The following ATP8B4 variants were observed in gnomAD, a reference collection of about 807,000 sequenced individuals.
ATP8B4 encodes ATPase phospholipid transporting 8B4 (putative), also known as probable phospholipid-transporting ATPase IM.
Under a neutral mutation model 145.6 loss-of-function variants are expected in ATP8B4, and 133 were observed. The ratio of observed to expected loss-of-function variants is 0.91; its 90% confidence interval spans 0.79 to 1.05. ATP8B4 has a LOEUF of 1.05. Among genes scored for constraint, ATP8B4 ranks in the 50% least tolerant of loss-of-function variants. ATP8B4 has a pLI of 0.00. For synonymous variants in ATP8B4, 507 were observed against 492.9 expected (o/e 1.03, Z -0.38); for missense variants, 1,458 against 1,425.2 (o/e 1.02, Z -0.37).
chr15:50,072,970 CTCTCTCTCTCTATATATATATATATATA>C (rs2053892612), intron 3 of ATP8B4, among the ~76,000 whole-genome samples: 8 of 31,780 alleles, frequency 2.5e-4, no homozygotes, highest in African/African-American at 4.0e-4. Context: ...CTCTCTCTCT[CTCTCTCTCTCTATATATATATATATATA>C]TATATATATA....
At chr15:50,014,861 G>A (rs1424131093) in intron 6 of ATP8B4, among the ~76,000 whole-genome samples, 1 of 152,072 alleles carries the variant, frequency 6.6e-6, no homozygotes, top group Non-Finnish European at 1.5e-5. Context: ...GCCTTATTTT[G>A]CAGTATCTAT....
chr15:50,169,383 C>A (rs1455860091), intron 1 of ATP8B4, among the ~76,000 whole-genome samples: 4 of 152,196 alleles, frequency 2.6e-5, no homozygotes, highest in African/African-American at 9.7e-5. Flanking sequence ...CCAGTACCAG[C>A]CCGGAGTCAG....
intron 24 of ATP8B4, among the ~76,000 whole-genome samples, chr15:49,879,065 A>G (rs2034965926): frequency 6.6e-6 from 1 of 152,246 alleles, no homozygotes; most frequent in Non-Finnish European, 1.5e-5. Context: ...AAGTTTGGGA[A>G]ATGCTGGGTT....
chr15:49,959,014 C>CA (rs1293417088), intron 14 of ATP8B4, among the ~76,000 whole-genome samples: 1 of 151,544 alleles, frequency 6.6e-6, no homozygotes, highest in Non-Finnish European at 1.5e-5. Context: ...AATATTATCC[C>CA]AAAAAAGAAC....
chr15:50,038,115 G>C (rs921234603), intron 6 of ATP8B4, among the ~76,000 whole-genome samples: 1 of 151,630 alleles, frequency 6.6e-6, no homozygotes, highest in Non-Finnish European at 1.5e-5. Context: ...AATAAGGGGG[G>C]GACAGCAAAA....
intron 1 of ATP8B4, among the ~76,000 whole-genome samples, chr15:50,154,027 A>C (rs1410215260): frequency 6.6e-6 from 1 of 152,232 alleles, no homozygotes; most frequent in East Asian, 1.9e-4. Context: ...AATCTTTAGA[A>C]AGACATAAAT....
chr15:49,919,179 T>C (rs1407693315), intron 18 of ATP8B4, among the ~76,000 whole-genome samples: 1 of 152,144 alleles, frequency 6.6e-6, no homozygotes. Context: ...GACTTATTAT[T>C]TACTTGAAGG....
intron 1 of ATP8B4, among the ~76,000 whole-genome samples, chr15:50,147,505 T>C (rs187113484): frequency 4.7e-5 from 7 of 149,784 alleles, no homozygotes; most frequent in Admixed American, 2.0e-4. Flanking sequence ...GCAGAAGGAG[T>C]ATACCTGCAC....
intron 3 of ATP8B4, among the ~76,000 whole-genome samples, chr15:50,065,120 A>G (rs770138040): frequency 6.6e-6 from 1 of 152,182 alleles, no homozygotes; most frequent in African/African-American, 2.4e-5. Context: ...TAAAAAAATG[A>G]TAAGTTATGT....
rs1168928225 is a variant in ATP8B4 at position 50,002,176 on chromosome 15, A to G, written c.483T>C (p.Tyr161=). The G allele has an allele frequency of 3.1e-6, 5 of 1,611,094 alleles. No individual in the cohort carries two copies. Among genetic ancestry groups the G allele is most frequent in the South Asian group, 2.2e-5 (2 of 90,770 alleles). ...ACCCATCAAGCTCAGCAGTTTCAAC[A>G]TAACAGAGACCATGTGGCTCACTAC... ...LSSSEPHGLC[Y]VETAELDGET... The change falls in exon 8 of 28, where the codon TAT becomes TAC. Residue 161 remains tyrosine (Y), a synonymous_variant. Transcript: ENST00000284509.
intron 2 of ATP8B4, among the ~76,000 whole-genome samples, chr15:50,078,091 G>A (rs1448590218): frequency 6.6e-6 from 1 of 151,992 alleles, no homozygotes; most frequent in African/African-American, 2.4e-5. Flanking sequence ...GCTGAATACA[G>A]GTAGAAAAAG....
At chr15:49,955,831 A>C (rs1005797249) in intron 14 of ATP8B4, among the ~76,000 whole-genome samples, 1 of 152,340 alleles carries the variant, frequency 6.6e-6, no homozygotes, top group Admixed American at 6.5e-5. Context: ...ACTCATTGAA[A>C]CATGAAATAA....
chr15:49,999,348 C>A lies in ATP8B4; in HGVS notation c.507-2589G>T, dbSNP rs1046296145. ...GAACTGAACAATGAGAACACATGGACACAGGAAGGGGAACATCACACTCTG... is the reference window on the plus strand; with the variant it reads ...GAACTGAACAATGAGAACACATGGAAACAGGAAGGGGAACATCACACTCTG... On this transcript the variant is annotated intron_variant, in intron 8 of 27. Coordinates refer to ENST00000284509, the MANE Select transcript of ATP8B4 (RefSeq NM_024837.4). 1.5e-3 allele frequency among the ~76,000 whole-genome samples: 194 copies of A among 131,874 alleles called. No homozygotes were observed. In the Admixed American group the frequency reaches 0.017, roughly 11 times the overall value. 86.5% of individuals were successfully genotyped at this position (131,874 alleles called of 152,430 possible).
At chr15:50,118,311 C>T (rs2057213177) in intron 1 of ATP8B4, among the ~76,000 whole-genome samples, 1 of 151,808 alleles carries the variant, frequency 6.6e-6, no homozygotes, top group Non-Finnish European at 1.5e-5. Context: ...ACATGTACCC[C>T]ATAAATATGT....
At chr15:50,178,193 C>A (rs1026106020) in intron 1 of ATP8B4, among the ~76,000 whole-genome samples, 4 of 152,042 alleles carry the variant, frequency 2.6e-5, no homozygotes, top group African/African-American at 9.7e-5. Context: ...AAGTGACTGG[C>A]CAGGAAGGGA....
chr15:49,904,315 T>C (rs2153435960), intron 20 of ATP8B4, among the ~76,000 whole-genome samples: 1 of 152,292 alleles, frequency 6.6e-6, no homozygotes, highest in African/African-American at 2.4e-5. Flanking sequence ...CTTACTACCC[T>C]ACCTGAGAGA....
intron 9 of ATP8B4, among the ~76,000 whole-genome samples, chr15:49,990,518 C>A (rs2046967560): frequency 1.3e-5 from 2 of 152,048 alleles, no homozygotes; most frequent in Non-Finnish European, 2.9e-5. Context: ...GCAATTTATC[C>A]ATTTGACAAT....
chr15:49,931,263 C>A lies in ATP8B4; in HGVS notation c.1498G>T (p.Val500Leu). The change falls in exon 16 of 28, where the codon GTG becomes TTG. Residue 500 changes from valine to leucine, a missense_variant. Physicochemically the swap from Val to Leu is conservative, Grantham distance 32 (BLOSUM62 1). Transcript: ENST00000284509. ...AACCCAAAATTTCTAGCGGCAGTCA[C>A]TAGAGCCCCTTCATCAGGTGACTGA... ...QVQSPDEGAL[V>L]TAARNFGFIF... 1 of 1,612,754 alleles carries A rather than the reference C, an allele frequency of 6.2e-7. No individual in the cohort carries two copies. The highest frequency in any genetic ancestry group is 8.5e-7 in the Non-Finnish European group (1 of 1,179,212).
At chr15:49,994,479 G>T (rs148522712) in intron 9 of ATP8B4, among the ~76,000 whole-genome samples, 74 of 152,232 alleles carry the variant, frequency 4.9e-4, no homozygotes, top group African/African-American at 1.7e-3. Flanking sequence ...TGTGCTAGAC[G>T]TTGTTCTAGA....
Sources: allele counts gnomAD v4.1 joint callset (sites outside exome capture counted in the v4.1 genomes callset), GRCh38; gene constraint gnomAD v4.1.1; transcripts MANE v1.5; gene names NCBI Gene and HGNC (gene_info 2026-07-23, HGNC 2026-07-21).